Variants in EIF2B3 observed in about 807,000 individuals in gnomAD.
The protein encoded by EIF2B3 is translation initiation factor eIF2B subunit gamma.
In EIF2B3, 20 loss-of-function variants were observed where a neutral mutation model predicts 54.1. That is an observed-to-expected ratio of 0.37 (90% CI 0.26 to 0.54). EIF2B3 has a LOEUF of 0.54. Ranked by LOEUF, EIF2B3 falls within the 20% of genes least tolerant of loss-of-function variation. EIF2B3 has a pLI of 0.86. For synonymous variants in EIF2B3, 153 were observed against 188.1 expected (o/e 0.81, Z 1.52); for missense variants, 448 against 547.8 (o/e 0.82, Z 1.82).
At position 44,941,588 on chromosome 1, in the gene EIF2B3, A is replaced by G. The variant is rs1361901713; in HGVS notation, c.372T>C (p.Tyr124=). The change falls in exon 4 of 12, where the codon TAT becomes TAC. Residue 124 remains tyrosine (Y), a synonymous_variant. Coordinates refer to ENST00000360403, the MANE Select transcript of EIF2B3 (RefSeq NM_020365.5). The stretch of plus-strand genomic sequence containing the variant: ...TCATCAACATAGCAAGTGATGCATC[A>G]TAAGCTCTAAACAGGTCCACAACCT... ...LHEVVDLFRA[Y]DASLAMLMRK... 4 of 1,614,034 alleles carry G rather than the reference A, an allele frequency of 2.5e-6. No individual in the cohort carries two copies. Among genetic ancestry groups the G allele is most frequent in the Admixed American group, 1.7e-5 (1 of 60,000 alleles).
chr1:44,897,525 TAGGCACTGGTA>T, intron 5 of EIF2B3, 81 bp from the exon 6 acceptor site: 5 of 1,142,574 alleles, frequency 4.4e-6, no homozygotes, highest in Non-Finnish European at 5.1e-6. Flanking sequence ...TATCAGGTAG[TAGGCACTGGTA>T]AGTTTATGAG....
intron 8 of EIF2B3, among the ~76,000 whole-genome samples, chr1:44,878,482 C>T (rs1557667172): frequency 1.3e-5 from 2 of 152,054 alleles, no homozygotes; most frequent in African/African-American, 2.4e-5. Context: ...AGCCTGGTCT[C>T]GAACTCCTGA....
intron 2 of EIF2B3, among the ~76,000 whole-genome samples, chr1:44,980,261 G>A (rs747514407): frequency 4.6e-5 from 7 of 151,978 alleles, no homozygotes; most frequent in Non-Finnish European, 8.8e-5. Context: ...TCCTGAGATC[G>A]AGACCATTCT....
chr1:44,868,867 C>T (rs976552448), intron 10 of EIF2B3, among the ~76,000 whole-genome samples: 1 of 152,084 alleles, frequency 6.6e-6, no homozygotes, highest in Admixed American at 6.6e-5. Context: ...AGGGGTGCAA[C>T]AAGAAAAATG....
At chr1:44,880,261 T>G (rs951587970) in intron 7 of EIF2B3, among the ~76,000 whole-genome samples, 4 of 152,140 alleles carry the variant, frequency 2.6e-5, no homozygotes, top group Non-Finnish European at 5.9e-5. Flanking sequence ...CCTTTGAAAC[T>G]CACCCACAAA....
rs140666392 is a variant in EIF2B3, at chr1:44,970,542, A to G, written c.294+7773T>C. On this transcript the variant is annotated intron_variant, in intron 3 of 11. Coordinates refer to ENST00000360403, the MANE Select transcript of EIF2B3 (RefSeq NM_020365.5). ...TGTTTAGGAGCTCTTTTGTGGGCAC[A>G]CGGGAAGAAAAAACATGGGCTTAAA... 8.0e-3 allele frequency among the ~76,000 whole-genome samples: 1,217 copies of G among 152,334 alleles called. 15 individuals are homozygous for G. Among genetic ancestry groups the G allele is most frequent in the African/African-American group, 0.028 (1,147 of 41,578 alleles).
intron 5 of EIF2B3, among the ~76,000 whole-genome samples, chr1:44,914,501 T>C (rs931482386): frequency 6.6e-6 from 1 of 152,058 alleles, no homozygotes; most frequent in African/African-American, 2.4e-5. Context: ...AAGAAAAAAA[T>C]AATAATCATC....
At chr1:44,900,811 C>T (rs1643279452) in intron 5 of EIF2B3, among the ~76,000 whole-genome samples, 1 of 152,244 alleles carries the variant, frequency 6.6e-6, no homozygotes, top group South Asian at 2.1e-4. Context: ...CTGCATTTCC[C>T]TATGACATGA....
chr1:44,927,578 T>A (rs994648355), intron 4 of EIF2B3, among the ~76,000 whole-genome samples: 1 of 152,210 alleles, frequency 6.6e-6, no homozygotes, highest in Admixed American at 6.5e-5. Context: ...GAGTGTCCTA[T>A]AGCACATGCC....
At chr1:44,965,735 G>C (rs1173223214) in intron 3 of EIF2B3, among the ~76,000 whole-genome samples, 1 of 150,072 alleles carries the variant, frequency 6.7e-6, no homozygotes, top group Non-Finnish European at 1.5e-5. Context: ...TGCCTCCCGG[G>C]TTCAAGCGAT....
At chr1:44,890,896 AC>A (rs1292943082) in intron 6 of EIF2B3, among the ~76,000 whole-genome samples, 1 of 152,010 alleles carries the variant, frequency 6.6e-6, no homozygotes, top group Admixed American at 6.6e-5. Context: ...ATAATCAATC[AC>A]CAAGCACTGC....
At chr1:44,938,078 T>C (rs868591873) in intron 4 of EIF2B3, among the ~76,000 whole-genome samples, 1 of 151,896 alleles carries the variant, frequency 6.6e-6, no homozygotes, top group Admixed American at 6.6e-5. Context: ...CCCCTATAAG[T>C]CAGTAAGAAC....
Position 44,983,610 on chromosome 1 carries a change from G to A in EIF2B3, c.-9-2433C>T, listed in dbSNP as rs528940448. On this transcript the variant is annotated intron_variant, in intron 1 of 11. Coordinates refer to ENST00000360403, the MANE Select transcript of EIF2B3 (RefSeq NM_020365.5). ...AGATGAGCTGGACGTGGTGGCTCAC[G>A]CCTGTAATCCCAGCACTTTGGGAGG... Among the ~76,000 whole-genome samples, 15 of 151,616 alleles carry A rather than the reference G, an allele frequency of 9.9e-5. No homozygotes were observed. In the South Asian group the frequency reaches 2.6e-3, roughly 26 times the overall value.
chr1:44,914,999 AATTTT>A (rs944185197), intron 5 of EIF2B3, among the ~76,000 whole-genome samples: 4 of 149,156 alleles, frequency 2.7e-5, no homozygotes, highest in African/African-American at 7.4e-5. Context: ...CATTATTTTA[AATTTT>A]ATTTTATTTT....
At chr1:44,904,423 C>T (rs1643375351) in intron 5 of EIF2B3, among the ~76,000 whole-genome samples, 1 of 152,352 alleles carries the variant, frequency 6.6e-6, no homozygotes, top group South Asian at 2.1e-4. Context: ...AAGCCTCCTA[C>T]AGTAACTTAA....
chr1:44,877,258 C>CAGG lies in EIF2B3; in HGVS notation c.976-1566_976-1564dup, dbSNP rs1202408445. On this transcript the variant is annotated intron_variant, in intron 8 of 11. Coordinates refer to ENST00000360403, the MANE Select transcript of EIF2B3 (RefSeq NM_020365.5). The stretch of plus-strand genomic sequence containing the variant: ...AGAACCCAGTGCTCAATCAGAGATA[C>CAGG]AGGGAGTTCTCAGCCATAGCTTCCT... Among the ~76,000 whole-genome samples the CAGG allele has an allele frequency of 2.4e-5, 3 of 127,414 alleles. No homozygotes were observed. The East Asian group carries it at 7.7e-4, about 33-fold the overall frequency. The allele number at this position is 127,414 out of a possible 152,430, so 83.6% of individuals were successfully genotyped here. A position where few individuals can be genotyped will look rare whatever the true frequency, so the allele number is the denominator to read the frequency against.
At chr1:44,952,209 C>T (rs1468716013) in intron 3 of EIF2B3, among the ~76,000 whole-genome samples, 2 of 140,582 alleles carry the variant, frequency 1.4e-5, no homozygotes, top group African/African-American at 2.7e-5. Flanking sequence ...GTGATCCGCC[C>T]GCCTCGGCCT....
chr1:44,936,219 A>AT (rs953285339), intron 4 of EIF2B3, among the ~76,000 whole-genome samples: 6 of 151,260 alleles, frequency 4.0e-5, no homozygotes, highest in African/African-American at 1.2e-4. Context: ...TGAGAAAAAA[A>AT]TTTTTTTTTC....
In EIF2B3 at chr1:44,920,520, C is replaced by T. The variant is rs117162394; in HGVS notation, c.566+6108G>A. ...TTTTTTGTACCCATTAACCATTCCC[C>T]ACTCCCACCACCCCCACACTCTCTA... On this transcript the variant is annotated intron_variant, in intron 5 of 11. Transcript: ENST00000360403. Among the ~76,000 whole-genome samples, 145 of 152,142 alleles carry T rather than the reference C, an allele frequency of 9.5e-4. 1 individual carries two copies. In the East Asian group the frequency reaches 0.025, roughly 27 times the overall value.
Sources: gnomAD v4.1 joint callset for allele counts (sites outside exome capture counted in the v4.1 genomes callset) on GRCh38, gnomAD v4.1.1 for gene constraint, MANE v1.5 for transcripts, NCBI Gene and HGNC (gene_info 2026-07-23, HGNC 2026-07-21) for gene names.